The following ZYG11B variants were observed in gnomAD, a reference collection of about 807,000 sequenced individuals.
ZYG11B encodes zyg-11 family member B, cell cycle regulator, also known as protein zyg-11 homolog B.
In ZYG11B, 36 loss-of-function variants were observed where a neutral mutation model predicts 82.4. The ratio of observed to expected loss-of-function variants is 0.44; its 90% CI spans 0.33 to 0.58. The LOEUF is 0.58. Among genes scored for constraint, ZYG11B ranks in the 20% least tolerant of loss-of-function variants. The pLI is 0.02. For synonymous variants in ZYG11B, 303 were observed against 312.8 expected, an observed-to-expected ratio of 0.97 and a Z score of 0.33; for missense variants, 552 against 895.6, an observed-to-expected ratio of 0.62 and a Z score of 4.90.
At chr1:52,744,773 C>T (rs918991589) in intron 1 of ZYG11B, among the ~76,000 whole-genome samples, 5 of 151,986 alleles carry the variant, frequency 3.3e-5, no homozygotes, top group Non-Finnish European at 4.4e-5. Flanking sequence ...ACCCGGGAGG[C>T]GGAGGAGGTT....
intron 12 of ZYG11B, among the ~76,000 whole-genome samples, chr1:52,814,805 G>T (rs968695483): frequency 1.3e-5 from 2 of 152,156 alleles, no homozygotes; most frequent in African/African-American, 4.8e-5. Context: ...GGAAGAAAAA[G>T]CATCGTATTA....
At chr1:52,763,586 C>G (rs1159475136) in intron 2 of ZYG11B, among the ~76,000 whole-genome samples, 2 of 151,960 alleles carry the variant, frequency 1.3e-5, no homozygotes. Flanking sequence ...ACCCAAAGTA[C>G]TAGTATTATA....
intron 1 of ZYG11B, among the ~76,000 whole-genome samples, chr1:52,752,932 C>G (rs1165513532): frequency 6.6e-6 from 1 of 152,060 alleles, no homozygotes; most frequent in East Asian, 1.9e-4. Flanking sequence ...ACTGCAACCT[C>G]TGCCTCCTGT....
intron 2 of ZYG11B, among the ~76,000 whole-genome samples, chr1:52,770,088 A>AT (rs1479332225): frequency 1.6e-3 from 125 of 76,902 alleles, no homozygotes; most frequent in Middle Eastern, 5.9e-3. Context: ...ATATATATAT[A>AT]TATATTTTTT....
intron 10 of ZYG11B, among the ~76,000 whole-genome samples, chr1:52,810,569 T>C (rs927385089): frequency 1.3e-5 from 2 of 152,262 alleles, no homozygotes; most frequent in Non-Finnish European, 2.9e-5. Flanking sequence ...CACTTTGTTT[T>C]CCATCCAGTA....
At chr1:52,782,503 C>T (rs1217673570) in intron 4 of ZYG11B, among the ~76,000 whole-genome samples, 3 of 152,168 alleles carry the variant, frequency 2.0e-5, no homozygotes, top group Non-Finnish European at 4.4e-5. Flanking sequence ...AATCTTCTGC[C>T]TCAACCTCTC....
In ZYG11B at chr1:52,803,133, T is replaced by TAC. The variant is rs1210672658; in HGVS notation, c.1695+1000_1695+1001dup. 2.1e-3 allele frequency among the ~76,000 whole-genome samples: 134 copies of TAC among 65,304 alleles called. 13 individuals are homozygous for TAC. In the South Asian group the frequency reaches 0.023, roughly 11 times the overall value. The allele number at this position is 65,304 out of a possible 152,430, so 42.8% of individuals were successfully genotyped here. On this transcript the variant is annotated intron_variant, in intron 10 of 13. Transcript: ENST00000294353. ...ATATATATATACACACATATATATA[T>TAC]ACACACATATATATATATATACACA...
intron 12 of ZYG11B, 72 bp downstream of exon 12, chr1:52,813,984 A>G: frequency 3.5e-6 from 5 of 1,443,976 alleles, no homozygotes; most frequent in Non-Finnish European, 4.8e-6. Context: ...CATTCCTACT[A>G]GATGCATAAT....
At chr1:52,733,165 C>T (rs187763025) in intron 1 of ZYG11B, among the ~76,000 whole-genome samples, 3 of 152,016 alleles carry the variant, frequency 2.0e-5, no homozygotes, top group Non-Finnish European at 4.4e-5. Flanking sequence ...AATTTCTGTA[C>T]GTAAAATTAT....
chr1:52,796,968 A>AT (rs1491205767), intron 8 of ZYG11B, among the ~76,000 whole-genome samples, 184 bp downstream of exon 8: 14 of 84,068 alleles, frequency 1.7e-4, no homozygotes, highest in African/African-American at 6.2e-4. Flanking sequence ...ATTATATATA[A>AT]TATATATAAA....
intron 13 of ZYG11B, among the ~76,000 whole-genome samples, chr1:52,817,564 T>C (rs1645236300): frequency 6.6e-6 from 1 of 150,604 alleles, no homozygotes; most frequent in Middle Eastern, 3.2e-3. Flanking sequence ...TTTTGTATTT[T>C]TTGTAGAGAT....
intron 1 of ZYG11B, among the ~76,000 whole-genome samples, chr1:52,739,847 C>T (rs2149920709): frequency 6.6e-6 from 1 of 152,228 alleles, no homozygotes; most frequent in African/African-American, 2.4e-5. Context: ...CTCAAGTGAT[C>T]TGCCTGCCTC....
intron 3 of ZYG11B, chr1:52,772,767 T>A: frequency 3.4e-6 from 2 of 587,366 alleles, no homozygotes; most frequent in South Asian, 3.9e-5. Context: ...AAGCTCTGCC[T>A]CCCGGGTTCA....
In ZYG11B at chr1:52,726,529, A is replaced by T. The variant is rs927778850; in HGVS notation, c.-125A>T. The T allele has an allele frequency of 1.3e-5, 12 of 911,994 alleles. No individual in the cohort carries two copies. Among genetic ancestry groups the T allele is most frequent in the Admixed American group, 8.7e-5 (2 of 22,906 alleles). The allele number at this position is 911,994 out of a possible 1,614,324, so 56.5% of individuals were successfully genotyped here. A position where few individuals can be genotyped will look rare whatever the true frequency, so the allele number is the denominator to read the frequency against. On this transcript the variant is annotated 5_prime_UTR_variant, in exon 1 of 14. Transcript: ENST00000294353. ...ACTGCTACGCTCCTAGCTTGAGGGA[A>T]AGAGGCCGAGGCCTGGGCCAAGCCC...
intron 2 of ZYG11B, among the ~76,000 whole-genome samples, chr1:52,758,770 G>T (rs1015185221): frequency 2.0e-5 from 3 of 152,088 alleles, no homozygotes; most frequent in Admixed American, 6.6e-5. Context: ...CATGCCAGCA[G>T]TCTCTTTGAA....
In ZYG11B at chr1:52,824,695, C is replaced by A. The variant is rs1045644367; in HGVS notation, c.*3066C>A. On this transcript the variant is annotated 3_prime_UTR_variant, in exon 14 of 14. Coordinates refer to ENST00000294353, the MANE Select transcript of ZYG11B (RefSeq NM_024646.3). ...TCCCAAATATATAAAAATTTGAGTG[C>A]CTTTGCAGTTGGGATGGTTCCTAAA... 9.9e-5 allele frequency: 15 copies of A among 151,466 alleles called. No individual in the cohort carries two copies. The highest frequency in any genetic ancestry group is 3.2e-4 in the African/African-American group (13 of 41,208). 9.4% of individuals were successfully genotyped at this position (151,466 alleles called of 1,614,324 possible). A position where few individuals can be genotyped will look rare whatever the true frequency, so the allele number is the denominator to read the frequency against.
chr1:52,752,277 G>C (rs1644532801), intron 1 of ZYG11B, among the ~76,000 whole-genome samples: 1 of 152,090 alleles, frequency 6.6e-6, no homozygotes, highest in Non-Finnish European at 1.5e-5. Context: ...TATTTTAAAG[G>C]ATACAAATGA....
chr1:52,801,688 T>C (rs548940751), intron 8 of ZYG11B, 131 bp from the exon 9 acceptor site: 13 of 681,274 alleles, frequency 1.9e-5, no homozygotes, highest in Non-Finnish European at 2.6e-5. Flanking sequence ...AGGGGCTGTT[T>C]GTTATAAGTA....
intron 8 of ZYG11B, among the ~76,000 whole-genome samples, chr1:52,798,709 A>G (rs1645049135): frequency 6.6e-6 from 1 of 152,240 alleles, no homozygotes; most frequent in Non-Finnish European, 1.5e-5. Context: ...GTTGTGCTGT[A>G]TGCTTTGGGG....
Sources: gnomAD v4.1 joint callset for allele counts (sites outside exome capture counted in the v4.1 genomes callset) on GRCh38, gnomAD v4.1.1 for gene constraint, MANE v1.5 for transcripts, NCBI Gene and HGNC (gene_info 2026-07-23, HGNC 2026-07-21) for gene names.